Variants in TEC observed in about 807,000 individuals in gnomAD.
TEC encodes the protein tyrosine-protein kinase Tec.
In TEC, 72 loss-of-function variants were observed where a neutral mutation model predicts 93.0. The observed-to-expected ratio is 0.77, with a 90% CI of 0.64 to 0.94. TEC has a LOEUF of 0.94. Ranked by LOEUF, TEC falls within the 40% of genes least tolerant of loss-of-function variation. The probability of loss-of-function intolerance (pLI) is 0.00; values close to 1 mark genes in which losing one functional copy is unlikely to be tolerated. For missense variants in TEC, 630 were observed against 757.9 expected (o/e 0.83, Z 1.98); for synonymous variants, 249 against 247.7 (o/e 1.01, Z -0.05).
chr4:48,216,480 C>T (rs1313164781), intron 2 of TEC, among the ~76,000 whole-genome samples: 1 of 149,652 alleles, frequency 6.7e-6, no homozygotes, highest in African/African-American at 2.5e-5. Flanking sequence ...TCAAGTTACA[C>T]AAATTGTGAT....
chr4:48,268,944 G>A (rs1455120475), intron 1 of TEC, among the ~76,000 whole-genome samples: 1 of 151,822 alleles, frequency 6.6e-6, no homozygotes, highest in Non-Finnish European at 1.5e-5. Context: ...CACGTCCACG[G>A]GAAAAATAAA....
intron 1 of TEC, among the ~76,000 whole-genome samples, chr4:48,255,287 G>A (rs527464660): frequency 6.6e-6 from 1 of 152,084 alleles, no homozygotes; most frequent in Non-Finnish European, 1.5e-5. Flanking sequence ...AGGTTACATC[G>A]CTCCAGGTTA....
At chr4:48,158,278 T>C (rs1720481638) in intron 8 of TEC, among the ~76,000 whole-genome samples, 1 of 152,204 alleles carries the variant, frequency 6.6e-6, no homozygotes, top group Non-Finnish European at 1.5e-5. Context: ...AAATGCAAAT[T>C]ACAGCCTCAA....
At chr4:48,258,679 A>G (rs1468849732) in intron 1 of TEC, among the ~76,000 whole-genome samples, 5 of 152,180 alleles carry the variant, frequency 3.3e-5, no homozygotes, top group Non-Finnish European at 5.9e-5. Flanking sequence ...GATTTTCAAA[A>G]ATATTTTTCC....
chr4:48,160,843 G>A (rs573091426), intron 8 of TEC, among the ~76,000 whole-genome samples: 1 of 74,114 alleles, frequency 1.3e-5, no homozygotes, highest in African/African-American at 4.4e-5. Flanking sequence ...GGGAGGGAGA[G>A]AGGGAGGGAG....
intron 1 of TEC, among the ~76,000 whole-genome samples, chr4:48,247,141 T>A (rs571544548): frequency 5.3e-5 from 8 of 152,190 alleles, no homozygotes; most frequent in Admixed American, 3.9e-4. Context: ...TATAAAAAAA[T>A]TTCAACACCA....
intron 2 of TEC, among the ~76,000 whole-genome samples, chr4:48,183,659 T>C (rs532427370): frequency 6.6e-6 from 1 of 152,364 alleles, no homozygotes; most frequent in South Asian, 2.1e-4. Flanking sequence ...CTCAGGCCTT[T>C]GGACTTGGTC....
At chr4:48,240,532 A>C (rs887207216) in intron 1 of TEC, among the ~76,000 whole-genome samples, 1 of 152,156 alleles carries the variant, frequency 6.6e-6, no homozygotes, top group Admixed American at 6.5e-5. Flanking sequence ...CTTCTCAGAC[A>C]TAAAGGAATA....
intron 2 of TEC, among the ~76,000 whole-genome samples, chr4:48,188,657 G>A (rs1047909130): frequency 6.6e-6 from 1 of 152,172 alleles, no homozygotes; most frequent in African/African-American, 2.4e-5. Flanking sequence ...AAACATGCAC[G>A]CGTATGTGTG....
intron 2 of TEC, among the ~76,000 whole-genome samples, chr4:48,192,355 G>A (rs1722121924): frequency 6.6e-6 from 1 of 152,186 alleles, no homozygotes; most frequent in South Asian, 2.1e-4. Context: ...TGGGCATGAA[G>A]AGGGAGGTAT....
chr4:48,233,883 A>T (rs1488085292), intron 1 of TEC, among the ~76,000 whole-genome samples: 1 of 152,106 alleles, frequency 6.6e-6, no homozygotes, highest in Admixed American at 6.5e-5. Context: ...AAAGTTCAGC[A>T]TCTAAAAACC....
intron 2 of TEC, among the ~76,000 whole-genome samples, chr4:48,186,321 G>A (rs943813286): frequency 2.0e-5 from 3 of 149,138 alleles, no homozygotes; most frequent in Non-Finnish European, 4.4e-5. Flanking sequence ...GCCACCCATC[G>A]TCTGGGATGT....
At chr4:48,243,184 T>C (rs752132408) in intron 1 of TEC, among the ~76,000 whole-genome samples, 5 of 152,210 alleles carry the variant, frequency 3.3e-5, no homozygotes, top group Non-Finnish European at 5.9e-5. Context: ...AAGATCTTTT[T>C]TTTCCTGATG....
At chr4:48,139,877 G>A (rs1719588669) in intron 15 of TEC, among the ~76,000 whole-genome samples, 2 of 152,330 alleles carry the variant, frequency 1.3e-5, no homozygotes, top group South Asian at 2.1e-4. Context: ...ATGGTGACTC[G>A]GCACAAAGCC....
chr4:48,242,363 A>G (rs1723942788), intron 1 of TEC, among the ~76,000 whole-genome samples: 1 of 152,236 alleles, frequency 6.6e-6, no homozygotes, highest in African/African-American at 2.4e-5. Context: ...CACTGCCTGA[A>G]ATATATTGGG....
chr4:48,221,719 C>T (rs992822897), intron 2 of TEC, among the ~76,000 whole-genome samples: 2 of 152,104 alleles, frequency 1.3e-5, no homozygotes, highest in African/African-American at 4.8e-5. Flanking sequence ...ATTAGCTCAA[C>T]CTCTGGTGCT....
chr4:48,161,030 A>G (rs1281634000), intron 8 of TEC, among the ~76,000 whole-genome samples: 1 of 152,100 alleles, frequency 6.6e-6, no homozygotes, highest in Non-Finnish European at 1.5e-5. Context: ...TAGATATTAA[A>G]TCCCTAATGT....
At chr4:48,147,446 A>C (rs868348689) in intron 11 of TEC, among the ~76,000 whole-genome samples, 52 of 152,322 alleles carry the variant, frequency 3.4e-4, no homozygotes, top group African/African-American at 1.1e-3. Context: ...AATTTCTAAC[A>C]ATGTGTTCAG....
At chr4:48,149,828 GTTC>G in intron 10 of TEC, 138 bp from the exon 11 acceptor site, 1 of 738,600 alleles carries the variant, frequency 1.4e-6, no homozygotes, top group Non-Finnish European at 2.0e-6. Flanking sequence ...CTTTCCCCTT[GTTC>G]TTCTTAGCTT....
Sources: allele counts gnomAD v4.1 joint callset (sites outside exome capture counted in the v4.1 genomes callset), GRCh38; gene constraint gnomAD v4.1.1; transcripts MANE v1.5; gene names NCBI Gene and HGNC (gene_info 2026-07-23, HGNC 2026-07-21).